Variants in PDXDC1 observed in about 807,000 individuals in gnomAD.
PDXDC1 encodes pyridoxal dependent decarboxylase domain containing 1, also known as pyridoxal-dependent decarboxylase domain-containing protein 1.
In PDXDC1, 42 loss-of-function variants were observed where a neutral mutation model predicts 100.1. The observed-to-expected ratio is 0.42, with a 90% CI of 0.33 to 0.54. PDXDC1 has a LOEUF of 0.54. PDXDC1 is among the 20% of genes least tolerant of loss of function. The probability of loss-of-function intolerance (pLI) is 0.10; values close to 1 mark genes in which losing one functional copy is unlikely to be tolerated. For missense variants in PDXDC1, 636 were observed against 979.2 expected, an observed-to-expected ratio of 0.65 and a Z score of 4.68; for synonymous variants, 260 against 371.7, an observed-to-expected ratio of 0.70 and a Z score of 3.46.
intron 16 of PDXDC1, among the ~76,000 whole-genome samples, chr16:15,123,251 C>T (rs2047528458): frequency 6.6e-6 from 1 of 151,902 alleles, no homozygotes; most frequent in African/African-American, 2.4e-5. Context: ...GTCCCCCACG[C>T]TCCTCCCAAG....
chr16:15,144,133 C>T (rs906481228), downstream of PDXDC1, among the ~76,000 whole-genome samples: 2 of 152,140 alleles, frequency 1.3e-5, no homozygotes, highest in African/African-American at 4.8e-5. Context: ...GCAAGAGGAC[C>T]CCCAGGCCCG....
chr16:15,086,982 T>G (rs2045935772), intron 16 of PDXDC1, among the ~76,000 whole-genome samples: 1 of 152,216 alleles, frequency 6.6e-6, no homozygotes, highest in African/African-American at 2.4e-5. Flanking sequence ...ATAGCCCCAT[T>G]CCTCCATGAA....
At chr16:15,061,177 G>C (rs2044697220) in intron 16 of PDXDC1, 1 of 152,184 alleles carries the variant, frequency 6.6e-6, no homozygotes, top group African/African-American at 2.4e-5. Context: ...AGACCATGTC[G>C]GGCCAGCTCT....
intron 16 of PDXDC1, among the ~76,000 whole-genome samples, chr16:15,075,379 C>T (rs908648836): frequency 6.6e-5 from 10 of 152,094 alleles, no homozygotes; most frequent in African/African-American, 2.4e-4. Flanking sequence ...TTGAGACCAG[C>T]CTGGGCAACA....
Position 15,008,820 on chromosome 16 carries a change from C to A in PDXDC1, c.621C>A (p.Asn207Lys). The A allele has an allele frequency of 6.2e-7, 1 of 1,613,924 alleles. No individual in the cohort carries two copies. Among genetic ancestry groups the A allele is most frequent in the South Asian group, 1.1e-5 (1 of 91,052 alleles). ...PFPCLCRVPC[N>K]TVFGSQHQMD... ...CCTGCTTGTGCCGTGTACCCTGTAACACTGTGTTTGGATCCCAGCATCAGA... is the reference window on the plus strand; with the variant it reads ...CCTGCTTGTGCCGTGTACCCTGTAAAACTGTGTTTGGATCCCAGCATCAGA... The change falls in exon 7 of 23, where the codon AAC becomes AAA. Residue 207 changes from asparagine (N) to lysine (K), a missense_variant. By Grantham distance (94) the Asn-to-Lys change is moderately conservative. This residue lies in a region of PDXDC1 where 125 missense variants were observed against 479.9 expected (regional missense o/e 0.26). Coordinates refer to ENST00000396410, the MANE Select transcript of PDXDC1 (RefSeq NM_015027.4).
intron 16 of PDXDC1, among the ~76,000 whole-genome samples, chr16:15,081,840 A>C (rs1165867441): frequency 6.6e-6 from 1 of 152,208 alleles, no homozygotes; most frequent in Non-Finnish European, 1.5e-5. Flanking sequence ...ATTTTTAAAT[A>C]TGGATATCCA....
intron 16 of PDXDC1, chr16:15,129,805 A>C: frequency 1.4e-6 from 1 of 732,894 alleles, no homozygotes; most frequent in South Asian, 1.5e-5. Flanking sequence ...GTCTGCGATG[A>C]GACTCACTCC....
At position 15,114,665 on chromosome 16, in the gene PDXDC1, CA is replaced by C. The variant is rs1196184532; in HGVS notation, c.1400-24210del. On this transcript the variant is annotated intron_variant, in intron 16 of 16. Transcript: ENST00000535621. ...ATCCTTAGAAACCGTCAACCTCCTC[CA>C]AAAGGTAACCACATCCCTCAGATAT... 112 of 630,680 alleles carry C rather than the reference CA, an allele frequency of 1.8e-4. 4 individuals are homozygous for C. The South Asian group carries it at 2.0e-3, about 11-fold the overall frequency. The allele number at this position is 630,680 out of a possible 1,614,324, so 39.1% of individuals were successfully genotyped here. A position where few individuals can be genotyped will look rare whatever the true frequency, so the allele number is the denominator to read the frequency against.
chr16:15,015,273 A>C (rs963345022), intron 8 of PDXDC1, among the ~76,000 whole-genome samples: 3 of 152,282 alleles, frequency 2.0e-5, no homozygotes, highest in African/African-American at 4.8e-5. Context: ...GGCATATCTA[A>C]ATCAAAATAA....
At chr16:15,019,742 G>T (rs966113550) in intron 12 of PDXDC1, among the ~76,000 whole-genome samples, 1 of 152,278 alleles carries the variant, frequency 6.6e-6, no homozygotes, top group Non-Finnish European at 1.5e-5. Context: ...CCTCCCAAAG[G>T]CCTCAACTCA....
intron 1 of PDXDC1, among the ~76,000 whole-genome samples, chr16:14,986,685 T>C (rs1969448820): frequency 6.6e-6 from 1 of 152,298 alleles, no homozygotes; most frequent in South Asian, 2.1e-4. Context: ...GCAATTAGTA[T>C]CTATCAGAAA....
downstream of PDXDC1, among the ~76,000 whole-genome samples, chr16:15,144,216 A>G (rs955002929): frequency 3.3e-5 from 5 of 152,158 alleles, no homozygotes; most frequent in Non-Finnish European, 7.4e-5. Flanking sequence ...GGGGACAGGC[A>G]GCAGTGCCAC....
intron 16 of PDXDC1, among the ~76,000 whole-genome samples, chr16:15,122,546 A>AC (rs1273505167): frequency 1.4e-5 from 2 of 143,312 alleles, no homozygotes; most frequent in Non-Finnish European, 3.0e-5. Context: ...AAAGGAAGAA[A>AC]CCCCGCGGGT....
At chr16:15,100,506 T>A (rs1348358894) in intron 16 of PDXDC1, among the ~76,000 whole-genome samples, 1 of 152,148 alleles carries the variant, frequency 6.6e-6, no homozygotes, top group African/African-American at 2.4e-5. Flanking sequence ...ACCAGATACT[T>A]CTCTGTTGGG....
the PDXDC1 span, among the ~76,000 whole-genome samples, chr16:15,147,676 G>A: frequency 1.3e-4 from 19 of 151,876 alleles, no homozygotes; most frequent in Non-Finnish European, 2.5e-4. Flanking sequence ...ACAGGCATGC[G>A]CCACCATGCT....
At chr16:15,029,157 A>G (rs368582454) in intron 15 of PDXDC1, 191 bp downstream of exon 15, 8 of 679,638 alleles carry the variant, frequency 1.2e-5, no homozygotes, top group East Asian at 2.7e-5. Context: ...CACCTCTGGC[A>G]AGTCCTTCTG....
chr16:15,033,058 C>A, intron 18 of PDXDC1, 79 bp downstream of exon 18: 1 of 1,044,820 alleles, frequency 9.6e-7, no homozygotes. Context: ...CGGCTCATCC[C>A]TTAGCGGGCT....
At chr16:15,131,206 C>A in intron 16 of PDXDC1, 1 of 1,588,466 alleles carries the variant, frequency 6.3e-7, no homozygotes, top group Non-Finnish European at 8.5e-7. Flanking sequence ...GGCAGAGCTG[C>A]GGTGGCCCCG....
At chr16:15,083,533 G>A (rs1283535349) in intron 16 of PDXDC1, 3 of 1,608,268 alleles carry the variant, frequency 1.9e-6, no homozygotes, top group Non-Finnish European at 2.5e-6. Context: ...TCTGATTTTC[G>A]AACAAATGGA....
Sources: allele counts gnomAD v4.1 joint callset (sites outside exome capture counted in the v4.1 genomes callset), GRCh38; gene constraint gnomAD v4.1.1; regional missense constraint gnomAD v4.1.1; transcripts MANE v1.5; gene names NCBI Gene and HGNC (gene_info 2026-07-23, HGNC 2026-07-21).